The following PSPC1 variants were observed in gnomAD, a reference collection of about 807,000 sequenced individuals.
PSPC1 encodes the protein paraspeckle component 1, also known as paraspeckle protein 1.
A neutral mutation model predicts 51.6 loss-of-function variants in PSPC1; 14 were observed. The observed-to-expected ratio is 0.27, with a 90% CI of 0.18 to 0.42. The LOEUF (loss-of-function observed/expected upper bound fraction) is 0.42. Ranked by LOEUF, PSPC1 falls within the 10% of genes least tolerant of loss-of-function variation. PSPC1 has a pLI of 1.00. For synonymous variants in PSPC1, 193 were observed against 231.9 expected, an observed-to-expected ratio of 0.83 and a Z score of 1.53; for missense variants, 406 against 701.1, an observed-to-expected ratio of 0.58 and a Z score of 4.75.
intron 1 of PSPC1, among the ~76,000 whole-genome samples, chr13:19,780,182 A>G (rs1168828089): frequency 1.2e-5 from 1 of 86,888 alleles, no homozygotes; most frequent in Non-Finnish European, 2.4e-5. Context: ...TCCGGGAGGG[A>G]GGTGGGGGGG....
chr13:19,717,723 A>G (rs908034380), intron 6 of PSPC1, among the ~76,000 whole-genome samples: 2 of 151,406 alleles, frequency 1.3e-5, no homozygotes, highest in Non-Finnish European at 2.9e-5. Context: ...AAAAAAAAAA[A>G]AAAAAGTTAG....
chr13:19,764,574 A>G (rs944727535), intron 2 of PSPC1, among the ~76,000 whole-genome samples: 1 of 150,428 alleles, frequency 6.6e-6, no homozygotes, highest in African/African-American at 2.4e-5. Context: ...TAATCCCAGC[A>G]CTCTGGCAGA....
intron 2 of PSPC1, among the ~76,000 whole-genome samples, chr13:19,766,170 C>T (rs1046893640): frequency 6.6e-6 from 1 of 152,036 alleles, no homozygotes; most frequent in Non-Finnish European, 1.5e-5. Context: ...GTCAGGAGTT[C>T]GAGACCAGCC....
chr13:19,745,439 A>G (rs1885868919), intron 4 of PSPC1, among the ~76,000 whole-genome samples: 1 of 152,138 alleles, frequency 6.6e-6, no homozygotes, highest in Non-Finnish European at 1.5e-5. Flanking sequence ...TAAACAAACT[A>G]AAATTTTGAT....
chr13:19,739,764 A>C (rs1360003569), intron 5 of PSPC1, among the ~76,000 whole-genome samples: 2 of 152,052 alleles, frequency 1.3e-5, no homozygotes, highest in African/African-American at 4.8e-5. Flanking sequence ...TTTAAAAAAA[A>C]AGTAGAAGAG....
At chr13:19,682,488 A>T (rs1877379636) in intron 6 of PSPC1, among the ~76,000 whole-genome samples, 1 of 17,070 alleles carries the variant, frequency 5.9e-5, no homozygotes, top group African/African-American at 9.3e-5. Context: ...CTGAATGGCA[A>T]AAAAAAAAAA....
intron 6 of PSPC1, among the ~76,000 whole-genome samples, chr13:19,717,947 C>T (rs910875998): frequency 7.9e-5 from 12 of 151,186 alleles, no homozygotes; most frequent in Admixed American, 2.0e-4. Context: ...GGGGGACCAA[C>T]GCAGGAGGAT....
At chr13:19,751,127 A>C in intron 4 of PSPC1, 144 bp downstream of exon 4, 1 of 585,802 alleles carries the variant, frequency 1.7e-6, no homozygotes, top group East Asian at 3.1e-5. Flanking sequence ...ATCTGGGAAA[A>C]GGGAGATTTT....
chr13:19,740,343 CAA>C (rs879686651), intron 5 of PSPC1, among the ~76,000 whole-genome samples: 1 of 130,666 alleles, frequency 7.7e-6, no homozygotes, highest in Admixed American at 7.7e-5. Context: ...AACTCCCTCT[CAA>C]AAAAAAAAAA....
At chr13:19,781,647 A>C (rs892494197) in intron 1 of PSPC1, among the ~76,000 whole-genome samples, 11 of 152,170 alleles carry the variant, frequency 7.2e-5, no homozygotes, top group Non-Finnish European at 1.5e-4. Context: ...GAGTTTGGGC[A>C]CCTAAGCAGT....
chr13:19,772,312 C>G lies in PSPC1; in HGVS notation c.604G>C (p.Glu202Gln). Reference protein sequence around the residue: ...RGRATGKGFVEFAAKPPARKA... With the variant: ...RGRATGKGFVQFAAKPPARKA... ...CGTGCAGGAGGTTTTGCTGCAAACT[C>G]TACAAAACCTTTTCCTGTAGCTCTA... Residue 202 changes from glutamate to glutamine, a missense_variant, in exon 2 of 9, where the codon GAG (glutamate) becomes CAG (glutamine). By Grantham distance (29) the Glu-to-Gln change is conservative. Transcript: ENST00000338910. 1 of 1,614,254 alleles carries G rather than the reference C, an allele frequency of 6.2e-7. No homozygotes were observed. Among genetic ancestry groups the G allele is most frequent in the Non-Finnish European group, 8.5e-7 (1 of 1,180,046 alleles).
At chr13:19,728,728 A>C (rs908467200) in intron 6 of PSPC1, among the ~76,000 whole-genome samples, 5 of 152,106 alleles carry the variant, frequency 3.3e-5, no homozygotes, top group Non-Finnish European at 7.4e-5. Context: ...ATAATGAAAA[A>C]CTTGTGTAGA....
At chr13:19,719,050 T>C (rs1427535908) in intron 6 of PSPC1, among the ~76,000 whole-genome samples, 4 of 150,902 alleles carry the variant, frequency 2.7e-5, no homozygotes, top group African/African-American at 7.3e-5. Flanking sequence ...GTTCATGTCA[T>C]AGATTTGTCA....
chr13:19,714,999 T>C (rs752408223), intron 6 of PSPC1, among the ~76,000 whole-genome samples: 2 of 152,222 alleles, frequency 1.3e-5, no homozygotes, highest in Non-Finnish European at 2.9e-5. Flanking sequence ...CCATTTTTTA[T>C]AGAGCAAAAC....
At chr13:19,709,306 T>C (rs1168989780) in intron 7 of PSPC1, among the ~76,000 whole-genome samples, 4 of 152,216 alleles carry the variant, frequency 2.6e-5, no homozygotes, top group Non-Finnish European at 5.9e-5. Context: ...ATTAAGCCTA[T>C]GAATGTATAA....
chr13:19,772,682 G>T, intron 1 of PSPC1, 139 bp from the exon 2 acceptor site: 1 of 728,570 alleles, frequency 1.4e-6, no homozygotes, highest in Non-Finnish European at 2.2e-6. Context: ...TTTAACTTTG[G>T]TATCACATGG....
intron 4 of PSPC1, among the ~76,000 whole-genome samples, chr13:19,742,260 C>CAAAAAAAAAAAAAAAA (rs36104148): frequency 4.2e-5 from 5 of 119,162 alleles, no homozygotes; most frequent in East Asian, 4.8e-4. Context: ...GACTCAATCT[C>CAAAAAAAAAAAAAAAA]AAAAAAAAAA....
intron 6 of PSPC1, among the ~76,000 whole-genome samples, chr13:19,724,107 G>A (rs1461152056): frequency 6.6e-6 from 1 of 152,140 alleles, no homozygotes; most frequent in African/African-American, 2.4e-5. Flanking sequence ...TGCTTCAGAA[G>A]TTTAGACTTC....
intron 6 of PSPC1, among the ~76,000 whole-genome samples, chr13:19,692,912 G>A: frequency 6.6e-6 from 1 of 152,084 alleles, no homozygotes; most frequent in Admixed American, 6.5e-5. Context: ...TGATCTATGT[G>A]GTCTCTCTGC....
Sources: allele counts gnomAD v4.1 joint callset (sites outside exome capture counted in the v4.1 genomes callset), GRCh38; gene constraint gnomAD v4.1.1; transcripts MANE v1.5; gene names NCBI Gene and HGNC (gene_info 2026-07-23, HGNC 2026-07-21).